UBAP1L: variants seen among roughly 807,000 people sequenced by gnomAD.
UBAP1L encodes the protein ubiquitin associated protein 1 like, also known as ubiquitin-associated protein 1-like.
A neutral mutation model predicts 32.1 loss-of-function variants in UBAP1L; 32 were observed. The observed-to-expected ratio is 1.00, with a 90% CI of 0.75 to 1.34. The LOEUF (loss-of-function observed/expected upper bound fraction) is 1.34, where lower values mean the gene tolerates loss of function less well. UBAP1L is among the 40% of genes most tolerant of loss of function. UBAP1L has a pLI of 0.00. For missense variants in UBAP1L, 516 were observed against 540.5 expected, an observed-to-expected ratio of 0.95 and a Z score of 0.45; for synonymous variants, 243 against 250.2, an observed-to-expected ratio of 0.97 and a Z score of 0.27.
intron 1 of UBAP1L, among the ~76,000 whole-genome samples, chr15:65,106,871 C>G (rs55781238): frequency 1.3e-5 from 2 of 152,048 alleles, no homozygotes; most frequent in African/African-American, 4.8e-5. Flanking sequence ...AAACTCCCGG[C>G]CTTAGGTGAT....
At chr15:65,110,189 T>A (rs974105110) in intron 1 of UBAP1L, among the ~76,000 whole-genome samples, 3 of 151,742 alleles carry the variant, frequency 2.0e-5, no homozygotes, top group African/African-American at 7.3e-5. Flanking sequence ...TGAAACCCCG[T>A]CCCTACTAAA....
chr15:65,093,246 A>T lies in UBAP1L; in HGVS notation c.1012-15T>A. The T allele has an allele frequency of 6.5e-7, 1 of 1,536,940 alleles. No homozygotes were observed. On this transcript the variant is annotated splice_polypyrimidine_tract_variant and intron_variant, in intron 5 of 5. Coordinates refer to ENST00000559089, the MANE Select transcript of UBAP1L (RefSeq NM_001163692.2). The stretch of plus-strand genomic sequence containing the variant: ...AACTCCCCTGCCTGAGGAAGAGGAG[A>T]CAGGGAGGGTGCTGGGGGCTCTGCT...
intron 1 of UBAP1L, among the ~76,000 whole-genome samples, chr15:65,109,408 A>G (rs1185367472): frequency 2.3e-5 from 3 of 132,140 alleles, no homozygotes; most frequent in African/African-American, 8.3e-5. Context: ...GCATGAACCC[A>G]GGAGGCGGAG....
At chr15:65,112,681 C>T (rs1227143702) in intron 1 of UBAP1L, among the ~76,000 whole-genome samples, 1 of 152,204 alleles carries the variant, frequency 6.6e-6, no homozygotes, top group Non-Finnish European at 1.5e-5. Context: ...CTCCAGTTCT[C>T]TTCTGAGATC....
chr15:65,113,056 T>C (rs926896548), intron 1 of UBAP1L, among the ~76,000 whole-genome samples: 2 of 152,182 alleles, frequency 1.3e-5, no homozygotes, highest in Admixed American at 1.3e-4. Flanking sequence ...GAGGCAAGAA[T>C]GACCATTTCA....
At position 65,105,436 on chromosome 15, in the gene UBAP1L, A is replaced by T. The variant is rs185950667; in HGVS notation, c.120+660T>A. 40 of 344,472 alleles carry T rather than the reference A, an allele frequency of 1.2e-4. 1 individual carries two copies. In the East Asian group the frequency reaches 2.7e-3, roughly 23 times the overall value. The allele number at this position is 344,472 out of a possible 1,614,324, so 21.3% of individuals were successfully genotyped here. On this transcript the variant is annotated intron_variant, in intron 2 of 5. Transcript: ENST00000559089. ...GGAGGTTGCAATGAGCTGACATTGT[A>T]CCACTGCACTCCATCTAGTCTGGGT...
chr15:65,105,821 TCA>T (rs2087302651), intron 2 of UBAP1L: 1 of 706,886 alleles, frequency 1.4e-6, no homozygotes. Context: ...AGACGAAGTC[TCA>T]CTCTGTCGCC....
In UBAP1L at chr15:65,099,574, G is replaced by A. The variant is rs1412266123; in HGVS notation, c.840C>T (p.Val280=). 9 of 1,551,440 alleles carry A rather than the reference G, an allele frequency of 5.8e-6. No individual in the cohort carries two copies. The highest frequency in any genetic ancestry group is 2.7e-5 in the African/African-American group (2 of 73,048). ...CCCTTCGCAGGGGATATCCCAGGGC[G>A]ACCACTGGCCCAATGAGGTCTTGCT... ...QEEQDLIGPV[V]ALGYPLRRAI... Residue 280 remains valine (V), a synonymous_variant, in exon 4 of 6, where the codon GTC becomes GTT. Transcript: ENST00000559089.
intron 4 of UBAP1L, chr15:65,097,701 T>TG (rs1452411688): frequency 6.6e-6 from 1 of 152,164 alleles, no homozygotes; most frequent in African/African-American, 2.4e-5. Flanking sequence ...TTTAGCCACA[T>TG]GGGGGTCACT....
Position 65,093,123 on chromosome 15 carries a change from C to T in UBAP1L, c.1120G>A (p.Glu374Lys). 6.5e-7 allele frequency: 1 copy of T among 1,549,822 alleles called. No homozygotes were observed. Among genetic ancestry groups the T allele is most frequent in the South Asian group, 1.2e-5 (1 of 83,998 alleles). Residue 374 changes from glutamate to lysine, a missense_variant, in exon 6 of 6, where the codon GAG (glutamate) becomes AAG (lysine). Coordinates refer to ENST00000559089, the MANE Select transcript of UBAP1L (RefSeq NM_001163692.2). ...VHGNRREQAL[E>K]ELVACAQ is the part of the protein sequence containing the mutation. ...CACTGGGCACAGGCCACCAGCTCCT[C>T]CAGGGCTTGCTCTCGGCGGTTGCCA...
At chr15:65,093,270 C>A in intron 5 of UBAP1L, 39 bp from the exon 6 acceptor site, 1 of 1,506,786 alleles carries the variant, frequency 6.6e-7, no homozygotes, top group Non-Finnish European at 8.9e-7. Context: ...GGGGGCTCTG[C>A]TGGGCCTGGC....
At chr15:65,107,333 C>CA (rs1322657058) in intron 1 of UBAP1L, among the ~76,000 whole-genome samples, 32 of 99,962 alleles carry the variant, frequency 3.2e-4, no homozygotes, top group African/African-American at 4.2e-4. Flanking sequence ...GATGCTGTCT[C>CA]AAAAAAAAAA....
intron 2 of UBAP1L, chr15:65,104,832 C>A: frequency 3.3e-6 from 1 of 305,582 alleles, no homozygotes; most frequent in South Asian, 2.4e-5. Flanking sequence ...ATAGTGAAAC[C>A]CCATCTCTAC....
chr15:65,099,436 G>A, intron 4 of UBAP1L, 69 bp downstream of exon 4: 1 of 1,487,600 alleles, frequency 6.7e-7, no homozygotes, highest in East Asian at 2.5e-5. Context: ...AGCTCAAAAG[G>A]TGAAAATCAT....
chr15:65,104,888 T>C, intron 2 of UBAP1L: 1 of 394,486 alleles, frequency 2.5e-6, no homozygotes, highest in South Asian at 1.8e-5. Context: ...ATGCCTGTAA[T>C]CCCAGCTACT....
intron 2 of UBAP1L, chr15:65,105,462 G>T: frequency 2.6e-6 from 1 of 378,302 alleles, no homozygotes; most frequent in South Asian, 2.4e-5. Context: ...TAGTCTGGGT[G>T]ACAGAGCGAG....
intron 2 of UBAP1L, among the ~76,000 whole-genome samples, chr15:65,103,993 GC>G (rs2087274203): frequency 6.6e-6 from 1 of 152,212 alleles, no homozygotes; most frequent in South Asian, 2.1e-4. Context: ...GGTGGCTCAT[GC>G]CTGCGATCCC....
rs1340872468 is a variant in UBAP1L, at chr15:65,094,479, C to T, written c.1007G>A (p.Ser336Asn). The change falls in exon 5 of 6, where the codon AGC becomes AAC. Residue 336 changes from serine (S) to asparagine (N), a missense_variant. By Grantham distance (46) the Ser-to-Asn change is conservative. Transcript: ENST00000559089. The surrounding 1 kb of genome is among the most constrained non-coding windows in gnomAD (Gnocchi z 4.2). ...CTGGCAGGAAGCCCTGCTGACCTGGCTCTCGGAGAACTGGAACATCTCCAT... is the reference window on the plus strand; with the variant it reads ...CTGGCAGGAAGCCCTGCTGACCTGGTTCTCGGAGAACTGGAACATCTCCAT... The part of the protein sequence containing the change: ...EAMEMFQFSE[S>N]QAGEFLRLWE... 4.5e-6 allele frequency: 7 copies of T among 1,549,796 alleles called. No homozygotes were observed. In the Admixed American group the frequency reaches 1.4e-4, roughly 30 times the overall value.
At position 65,102,615 on chromosome 15, in the gene UBAP1L, G is replaced by A. The variant is rs907163372; in HGVS notation, c.190C>T (p.Gln64Ter). 3.9e-6 allele frequency: 6 copies of A among 1,549,446 alleles called. No homozygotes were observed. The African/African-American group carries it at 8.2e-5, about 21-fold the overall frequency. ...EAAGQGPSPY[Q>*]CGDPGTASAP... Reference sequence around the variant, plus strand: ...GACGCTGTCCCCGGGTCACCGCACTGGTACGGGCTGGGTCCCTGGCCGGCG... The same window carrying A: ...GACGCTGTCCCCGGGTCACCGCACTAGTACGGGCTGGGTCCCTGGCCGGCG... The change falls in exon 3 of 6, where the codon CAG becomes TAG. Residue 64 changes from glutamine (Q) to a stop codon, truncating the protein, a stop_gained. Coordinates refer to ENST00000559089, the MANE Select transcript of UBAP1L (RefSeq NM_001163692.2). LOFTEE classifies it high-confidence loss of function. The surrounding 1 kb of genome is among the most constrained non-coding windows in gnomAD (Gnocchi z 5.0).
Sources: gnomAD v4.1 joint callset for allele counts (sites outside exome capture counted in the v4.1 genomes callset) on GRCh38, gnomAD v4.1.1 for gene constraint, Gnocchi (gnomAD v3.1) non-coding constraint, MANE v1.5 for transcripts, NCBI Gene and HGNC (gene_info 2026-07-23, HGNC 2026-07-21) for gene names.